RIMS2: variants seen among roughly 807,000 people sequenced by gnomAD.
RIMS2 encodes the protein regulating synaptic membrane exocytosis 2, also known as regulating synaptic membrane exocytosis protein 2.
Under a neutral mutation model 174.4 loss-of-function variants are expected in RIMS2, and 59 were observed. The observed-to-expected ratio is 0.34, with a 90% CI of 0.27 to 0.42. The LOEUF is 0.42. Ranked by LOEUF, RIMS2 falls within the 10% of genes least tolerant of loss-of-function variation. The pLI is 1.00. For synonymous variants in RIMS2, 606 were observed against 572.5 expected (o/e 1.06, Z -0.84); for missense variants, 1,620 against 1,666.3 (o/e 0.97, Z 0.48).
chr8:103,587,363 A>G (rs1340574817), intron 1 of RIMS2, among the ~76,000 whole-genome samples: 1 of 151,586 alleles, frequency 6.6e-6, no homozygotes, highest in Non-Finnish European at 1.5e-5. Flanking sequence ...TTACAAGTCC[A>G]GTATTACCCT....
At chr8:103,751,205 T>C (rs2097886019) in intron 2 of RIMS2, among the ~76,000 whole-genome samples, 1 of 152,174 alleles carries the variant, frequency 6.6e-6, no homozygotes. Flanking sequence ...TGTTTGGTTT[T>C]TTGTCCTTGC....
intron 19 of RIMS2, among the ~76,000 whole-genome samples, chr8:104,165,358 T>C (rs1463851410): frequency 6.6e-6 from 1 of 152,222 alleles, no homozygotes; most frequent in Non-Finnish European, 1.5e-5. Flanking sequence ...TTCCTCTTTT[T>C]AATCATTTTA....
chr8:103,627,973 T>C (rs982748842), intron 1 of RIMS2, among the ~76,000 whole-genome samples: 12 of 152,340 alleles, frequency 7.9e-5, no homozygotes, highest in Non-Finnish European at 1.5e-4. Flanking sequence ...ACTCTCTTCA[T>C]GGATTCAGGC....
intron 17 of RIMS2, among the ~76,000 whole-genome samples, chr8:103,993,346 C>T (rs1359193234): frequency 1.3e-5 from 2 of 151,914 alleles, no homozygotes; most frequent in Non-Finnish European, 2.9e-5. Context: ...ACTTTATAAG[C>T]TTTTTTTCTC....
At chr8:103,613,086 G>C (rs947851066) in intron 1 of RIMS2, among the ~76,000 whole-genome samples, 2 of 152,174 alleles carry the variant, frequency 1.3e-5, no homozygotes, top group Non-Finnish European at 2.9e-5. Flanking sequence ...TCTACAATTA[G>C]CAGATGGTAA....
At chr8:103,690,040 A>T (rs1490739034) in intron 1 of RIMS2, among the ~76,000 whole-genome samples, 1 of 149,576 alleles carries the variant, frequency 6.7e-6, no homozygotes, top group Admixed American at 6.7e-5. Flanking sequence ...AGCTCACTGC[A>T]GCGTCTGCTT....
At chr8:103,609,651 C>G (rs965316427) in intron 1 of RIMS2, among the ~76,000 whole-genome samples, 2 of 152,122 alleles carry the variant, frequency 1.3e-5, no homozygotes, top group Non-Finnish European at 2.9e-5. Flanking sequence ...TGTCCAAGAT[C>G]AGATGGTTGT....
chr8:103,555,081 C>T (rs971381264), intron 1 of RIMS2, among the ~76,000 whole-genome samples: 3 of 152,134 alleles, frequency 2.0e-5, no homozygotes, highest in Non-Finnish European at 4.4e-5. Context: ...CTATCATGTA[C>T]TGTGCTTATT....
intron 4 of RIMS2, among the ~76,000 whole-genome samples, chr8:103,886,781 A>AG (rs937896678): frequency 2.0e-5 from 3 of 151,438 alleles, no homozygotes; most frequent in African/African-American, 7.3e-5. Flanking sequence ...CACATCATAA[A>AG]TGATTTTTTT....
At chr8:104,109,071 A>G (rs13278028) in intron 19 of RIMS2, among the ~76,000 whole-genome samples, 35,655 of 151,748 alleles carry the variant, frequency 0.23, 4,484 homozygotes, top group African/African-American at 0.33. Flanking sequence ...GCCGAGGCGG[A>G]CAGATCAATA....
At chr8:103,557,506 A>G (rs1225034333) in intron 1 of RIMS2, among the ~76,000 whole-genome samples, 1 of 152,222 alleles carries the variant, frequency 6.6e-6, no homozygotes, top group Non-Finnish European at 1.5e-5. Flanking sequence ...ATTTAAAAAC[A>G]TGTTTTATAT....
intron 19 of RIMS2, among the ~76,000 whole-genome samples, chr8:104,032,912 C>T (rs528021267): frequency 3.9e-5 from 6 of 151,954 alleles, no homozygotes; most frequent in African/African-American, 1.4e-4. Flanking sequence ...ACAGCAGTTA[C>T]CCTCACACAG....
intron 19 of RIMS2, among the ~76,000 whole-genome samples, chr8:104,157,573 C>T (rs947173732): frequency 2.6e-5 from 4 of 152,160 alleles, no homozygotes; most frequent in Non-Finnish European, 5.9e-5. Context: ...CTTCCCAGCC[C>T]TTAGTAACCA....
At chr8:103,841,776 G>A (rs973512634) in intron 3 of RIMS2, among the ~76,000 whole-genome samples, 23 of 151,862 alleles carry the variant, frequency 1.5e-4, no homozygotes, top group South Asian at 4.2e-4. Flanking sequence ...CCAACATGAC[G>A]AAACTCTGTC....
At chr8:104,236,673 G>T (rs1316956547) in intron 19 of RIMS2, among the ~76,000 whole-genome samples, 2 of 151,952 alleles carry the variant, frequency 1.3e-5, no homozygotes, top group African/African-American at 2.4e-5. Flanking sequence ...ACTATTATGG[G>T]TCATCATACT....
intron 4 of RIMS2, among the ~76,000 whole-genome samples, chr8:103,889,257 TTA>T: frequency 6.6e-6 from 1 of 151,758 alleles, no homozygotes; most frequent in Admixed American, 6.6e-5. Flanking sequence ...TTCTGTATTT[TTA>T]TATGGAGTGA....
At chr8:104,167,521 ATT>A (rs1352279068) in intron 19 of RIMS2, among the ~76,000 whole-genome samples, 1 of 151,230 alleles carries the variant, frequency 6.6e-6, no homozygotes, top group Non-Finnish European at 1.5e-5. Flanking sequence ...TGCTTGGATT[ATT>A]TGTTTTTTTC....
intron 19 of RIMS2, among the ~76,000 whole-genome samples, chr8:104,052,318 A>C (rs1462099617): frequency 6.6e-6 from 1 of 152,172 alleles, no homozygotes; most frequent in East Asian, 1.9e-4. Context: ...TATGTTACTC[A>C]AATGGTTCTA....
chr8:104,188,231 A>G (rs910765049), intron 19 of RIMS2, among the ~76,000 whole-genome samples: 1 of 134,490 alleles, frequency 7.4e-6, no homozygotes, highest in Non-Finnish European at 1.6e-5. Context: ...AGATAGATAG[A>G]TAGATAGATA....
Sources: allele counts gnomAD v4.1 joint callset (sites outside exome capture counted in the v4.1 genomes callset), GRCh38; gene constraint gnomAD v4.1.1; transcripts MANE v1.5; gene names NCBI Gene and HGNC (gene_info 2026-07-23, HGNC 2026-07-21).